The following PDE1A variants were observed in gnomAD, a reference collection of about 807,000 sequenced individuals.
PDE1A encodes the protein phosphodiesterase 1A, also known as dual specificity calcium/calmodulin-dependent 3',5'-cyclic nucleotide phosphodiesterase 1A.
Under a neutral mutation model 61.7 loss-of-function variants are expected in PDE1A, and 35 were observed. That is an observed-to-expected ratio of 0.57 (90% CI 0.43 to 0.75). The LOEUF (loss-of-function observed/expected upper bound fraction) is 0.75. Ranked by LOEUF, PDE1A falls within the 30% of genes least tolerant of loss-of-function variation. The pLI, the probability that PDE1A is intolerant of heterozygous loss-of-function variation, is 0.00. For missense variants in PDE1A, 597 were observed against 630.6 expected, an observed-to-expected ratio of 0.95 and a Z score of 0.57; for synonymous variants, 232 against 213.2, an observed-to-expected ratio of 1.09 and a Z score of -0.77.
At chr2:182,686,534 A>G in the PDE1A span, among the ~76,000 whole-genome samples, 1 of 152,164 alleles carries the variant, frequency 6.6e-6, no homozygotes, top group Non-Finnish European at 1.5e-5. Context: ...AGTTATTTGA[A>G]AGTTAGGTTG....
chr2:182,337,164 T>C (rs1487655162), intron 1 of PDE1A, among the ~76,000 whole-genome samples: 1 of 152,124 alleles, frequency 6.6e-6, no homozygotes, highest in African/African-American at 2.4e-5. Flanking sequence ...CTTTGCCTTA[T>C]ATGTACAGTG....
chr2:182,647,864 A>T, the PDE1A span, among the ~76,000 whole-genome samples: 1 of 152,158 alleles, frequency 6.6e-6, no homozygotes, highest in Admixed American at 6.5e-5. Context: ...ATTGACAGGA[A>T]GAGCTAGGCA....
chr2:182,159,172 C>T (rs1374188776), intron 13 of PDE1A, among the ~76,000 whole-genome samples: 4 of 152,126 alleles, frequency 2.6e-5, no homozygotes, highest in Non-Finnish European at 5.9e-5. Flanking sequence ...GCTAAAGTGT[C>T]CTCTTTTTGA....
intron 1 of PDE1A, among the ~76,000 whole-genome samples, chr2:182,328,564 G>A (rs756684639): frequency 5.3e-5 from 8 of 152,170 alleles, no homozygotes; most frequent in East Asian, 1.9e-4. Flanking sequence ...GTTGGAATAC[G>A]AGAGGGAGGG....
chr2:182,475,224 T>C (rs1687277600), intron 2 of PDE1A, among the ~76,000 whole-genome samples: 1 of 151,930 alleles, frequency 6.6e-6, no homozygotes, highest in Non-Finnish European at 1.5e-5. Context: ...ACATCAGCAC[T>C]GTCAAGATGA....
the PDE1A span, among the ~76,000 whole-genome samples, chr2:182,553,656 G>A: frequency 6.6e-6 from 1 of 152,214 alleles, no homozygotes; most frequent in Non-Finnish European, 1.5e-5. Context: ...TGCACTGGAG[G>A]AATTGTGAAA....
At chr2:182,215,989 T>C (rs1688145493) in intron 7 of PDE1A, among the ~76,000 whole-genome samples, 2 of 99,154 alleles carry the variant, frequency 2.0e-5, no homozygotes, top group Non-Finnish European at 4.0e-5. Context: ...ACCAATATCC[T>C]TGATGAACAT....
intron 13 of PDE1A, among the ~76,000 whole-genome samples, chr2:182,154,940 T>C (rs745887479): frequency 6.6e-6 from 1 of 152,076 alleles, no homozygotes; most frequent in Non-Finnish European, 1.5e-5. Context: ...TGCTTAACTT[T>C]AAGAATGTCA....
At chr2:182,431,504 C>T (rs1035354543), upstream of PDE1A, among the ~76,000 whole-genome samples, 30 of 152,058 alleles carry the variant, frequency 2.0e-4, no homozygotes, top group Non-Finnish European at 4.0e-4. Context: ...ATAACTTTAC[C>T]GCTTTACCTC....
chr2:182,658,071 AAC>A, the PDE1A span, among the ~76,000 whole-genome samples: 6 of 53,626 alleles, frequency 1.1e-4, no homozygotes, highest in African/African-American at 2.4e-4. Flanking sequence ...AAAAAAAAAA[AAC>A]AAAAAAACTT....
chr2:182,305,971 A>G (rs961116646), intron 1 of PDE1A, among the ~76,000 whole-genome samples: 22 of 152,276 alleles, frequency 1.4e-4, no homozygotes, highest in African/African-American at 5.1e-4. Flanking sequence ...TATGCAATAG[A>G]GTTCAAAAAA....
intron 7 of PDE1A, among the ~76,000 whole-genome samples, chr2:182,211,572 T>A (rs561589875): frequency 6.6e-6 from 1 of 152,332 alleles, no homozygotes; most frequent in South Asian, 2.1e-4. Flanking sequence ...GGTATTTTCA[T>A]TGGGATTGGA....
At chr2:182,543,663 A>T in the PDE1A span, among the ~76,000 whole-genome samples, 5 of 152,156 alleles carry the variant, frequency 3.3e-5, no homozygotes, top group African/African-American at 1.2e-4. Context: ...GACAAATTAA[A>T]CATTGGAAAC....
At chr2:182,198,762 C>G (rs1686355920) in intron 10 of PDE1A, among the ~76,000 whole-genome samples, 1 of 151,696 alleles carries the variant, frequency 6.6e-6, no homozygotes, top group Non-Finnish European at 1.5e-5. Context: ...AGTTTTATGG[C>G]AGATGTGGAT....
chr2:182,249,671 T>G (rs1164857290), intron 2 of PDE1A, among the ~76,000 whole-genome samples: 1 of 152,076 alleles, frequency 6.6e-6, no homozygotes, highest in East Asian at 1.9e-4. Flanking sequence ...GTATTATCTC[T>G]TTGATTAACC....
chr2:182,412,583 G>A (rs1702681799), intron 1 of PDE1A, among the ~76,000 whole-genome samples: 1 of 152,206 alleles, frequency 6.6e-6, no homozygotes, highest in Non-Finnish European at 1.5e-5. Flanking sequence ...ATAAGAACAA[G>A]AGGCACAAAT....
intron 1 of PDE1A, among the ~76,000 whole-genome samples, chr2:182,356,584 C>G (rs1187882509): frequency 6.6e-6 from 1 of 151,860 alleles, no homozygotes; most frequent in African/African-American, 2.4e-5. Flanking sequence ...ACCCCATCTC[C>G]ACAGAAAATA....
chr2:182,201,585 T>G, intron 9 of PDE1A, 26 bp from the exon 10 acceptor site: 1 of 1,603,076 alleles, frequency 6.2e-7, no homozygotes, highest in Admixed American at 1.7e-5. Flanking sequence ...CATGCTTATA[T>G]TATTCAAAAC....
chr2:182,522,140 G>A, intron 2 of PDE1A: 1 of 670,424 alleles, frequency 1.5e-6, no homozygotes, highest in South Asian at 1.9e-5. Context: ...GTTGTTAGCT[G>A]AGGTAGGCAC....
Sources: allele counts gnomAD v4.1 joint callset (sites outside exome capture counted in the v4.1 genomes callset), GRCh38; gene constraint gnomAD v4.1.1; transcripts MANE v1.5; gene names NCBI Gene and HGNC (gene_info 2026-07-23, HGNC 2026-07-21).